RP1L1: variants seen among roughly 807,000 people sequenced by gnomAD.
RP1L1 encodes the protein retinitis pigmentosa 1-like 1 protein.
A neutral mutation model predicts 15.7 loss-of-function variants in RP1L1; 27 were observed. The observed-to-expected ratio is 1.72, with a 90% CI of 1.27 to 2.38. RP1L1 has a LOEUF of 2.38. Among genes scored for constraint, RP1L1 ranks in the 30% most tolerant of loss-of-function variants. The pLI, the probability that RP1L1 is intolerant of heterozygous loss-of-function variation, is 0.00. For synonymous variants in RP1L1, 1,813 were observed against 1,276.7 expected, an observed-to-expected ratio of 1.42 and a Z score of -8.96; for missense variants, 4,798 against 3,075.9, an observed-to-expected ratio of 1.56 and a Z score of -13.24.
intron 1 of RP1L1, among the ~76,000 whole-genome samples, chr8:10,643,489 C>A (rs1798435360): frequency 6.6e-6 from 1 of 152,148 alleles, no homozygotes; most frequent in South Asian, 2.1e-4. Flanking sequence ...GGCCAATCTG[C>A]CATAAATTAC....
intron 1 of RP1L1, among the ~76,000 whole-genome samples, chr8:10,650,771 T>C (rs1453880952): frequency 6.6e-6 from 1 of 152,162 alleles, no homozygotes; most frequent in Non-Finnish European, 1.5e-5. Context: ...TTTGCCATGT[T>C]GGCCAGGCTA....
chr8:10,609,540 A>C lies in RP1L1; in HGVS notation c.4558T>G (p.Ser1520Ala), dbSNP rs769504805. 5 of 1,606,356 alleles carry C rather than the reference A, an allele frequency of 3.1e-6. No individual in the cohort carries two copies. The South Asian group carries it at 5.5e-5, about 18-fold the overall frequency. Residue 1520 changes from serine to alanine, a missense_variant, in exon 4 of 4, where the codon TCC (serine) becomes GCC (alanine). Ser to Ala is a moderately conservative substitution (Grantham distance 99, BLOSUM62 1). Coordinates refer to ENST00000382483, the MANE Select transcript of RP1L1 (RefSeq NM_178857.6). ...TTCTCCGTCTTCTTCAGTAACACGG[A>C]CACCCAGATGGGGTCGCAGTCCAGA... Reference protein sequence around the residue: ...AALDCDPIWVSVLLKKTEKAF... With the variant: ...AALDCDPIWVAVLLKKTEKAF...
rs1797792815 is a variant in RP1L1 at position 10,609,715 on chromosome 8, G to T, written c.4383C>A (p.Asp1461Glu). 1 of 1,613,102 alleles carries T rather than the reference G, an allele frequency of 6.2e-7. No individual in the cohort carries two copies. Among genetic ancestry groups the T allele is most frequent in the Non-Finnish European group, 8.5e-7 (1 of 1,179,696 alleles). Residue 1461 changes from aspartate (D) to glutamate (E), a missense_variant, in exon 4 of 4, where the codon GAC becomes GAA. Coordinates refer to ENST00000382483, the MANE Select transcript of RP1L1 (RefSeq NM_178857.6). ...TEPPSHLSET[D>E]PSASERQSGS... Reference sequence around the variant, plus strand: ...CACTCTGCCTCTCGCTGGCACTTGGGTCCGTCTCGCTGAGATGACTAGGGG... The same window carrying T: ...CACTCTGCCTCTCGCTGGCACTTGGTTCCGTCTCGCTGAGATGACTAGGGG...
chr8:10,627,107 A>G (rs1461943590), intron 1 of RP1L1, among the ~76,000 whole-genome samples: 2 of 152,174 alleles, frequency 1.3e-5, no homozygotes, highest in African/African-American at 4.8e-5. Context: ...TAGAATTGCC[A>G]CATGATCCAG....
Position 10,610,710 on chromosome 8 carries a change from C to A in RP1L1, c.3388G>T (p.Glu1130Ter). The A allele has an allele frequency of 6.2e-7, 1 of 1,613,628 alleles. No individual in the cohort carries two copies. The highest frequency in any genetic ancestry group is 1.1e-5 in the South Asian group (1 of 91,080). ...TCLASLQLFE[E>*]DLGSPASKVR... ...TTGCTGGCAGGAGACCCAAGGTCTT[C>A]CTCAAATAACTGCAGACTGGCCAGA... The change falls in exon 4 of 4, where the codon GAA becomes TAA. Residue 1130 changes from glutamate (E) to a stop codon, truncating the protein, a stop_gained. Transcript: ENST00000382483. LOFTEE classifies it low-confidence loss of function (END_TRUNC).
intron 1 of RP1L1, among the ~76,000 whole-genome samples, chr8:10,629,400 T>A (rs1798207379): frequency 6.6e-6 from 1 of 151,874 alleles, no homozygotes; most frequent in African/African-American, 2.4e-5. Context: ...AGACGAAAAG[T>A]AAATGGGAAG....
chr8:10,611,226 G>A lies in RP1L1; in HGVS notation c.2872C>T (p.Arg958Cys), dbSNP rs199849516. The change falls in exon 4 of 4, where the codon CGC becomes TGC. Residue 958 changes from arginine to cysteine, a missense_variant. By Grantham distance (180) the Arg-to-Cys change is radical. Coordinates refer to ENST00000382483, the MANE Select transcript of RP1L1 (RefSeq NM_178857.6). ...TCTGGAATGTTGTCCAGCCATTCGC[G>A]GACCACAGCCTCTGGAGACGAGCGG... ...LPRSSPEAVVREWLDNIPEEP... is the reference protein window; with the variant it reads ...LPRSSPEAVVCEWLDNIPEEP... 147 of 1,612,858 alleles carry A rather than the reference G, an allele frequency of 9.1e-5. No individual in the cohort carries two copies. The highest frequency in any genetic ancestry group is 3.1e-5 in the Non-Finnish European group (36 of 1,180,036).
chr8:10,617,901 G>T (rs1797996960), intron 2 of RP1L1, among the ~76,000 whole-genome samples: 1 of 152,056 alleles, frequency 6.6e-6, no homozygotes, highest in African/African-American at 2.4e-5. Context: ...CTTTGATTTG[G>T]ACTCCTGGTC....
At chr8:10,635,631 C>G (rs558618244) in intron 1 of RP1L1, among the ~76,000 whole-genome samples, 11 of 152,322 alleles carry the variant, frequency 7.2e-5, no homozygotes, top group Admixed American at 7.2e-4. Context: ...ACACAGTGCC[C>G]AGAGCCTCCA....
intron 1 of RP1L1, among the ~76,000 whole-genome samples, chr8:10,623,916 A>C (rs934874122): frequency 1.4e-5 from 2 of 147,844 alleles, no homozygotes; most frequent in African/African-American, 5.0e-5. Flanking sequence ...CAGCATCACC[A>C]TGTCCCAGAA....
At position 10,611,722 on chromosome 8, in the gene RP1L1, C is replaced by A; in HGVS notation, c.2376G>T (p.Leu792=). 1.2e-6 allele frequency: 2 copies of A among 1,613,646 alleles called. No individual in the cohort carries two copies. Among genetic ancestry groups the A allele is most frequent in the South Asian group, 1.1e-5 (1 of 91,078 alleles). The change falls in exon 4 of 4, where the codon CTG becomes CTT. Residue 792 remains leucine (L), a synonymous_variant. Transcript: ENST00000382483. ...GAGGCGTGTCCCTGGCCTCTTCCCC[C>A]AGGCTGGCAGCCCCAGATTTTGAGC... The part of the protein sequence containing the change: ...DSCSKSGAAS[L]GEEARDTPQP...
intron 1 of RP1L1, among the ~76,000 whole-genome samples, chr8:10,647,299 G>T (rs1009810274): frequency 1.3e-5 from 2 of 152,230 alleles, no homozygotes; most frequent in African/African-American, 2.4e-5. Context: ...TGCTATGGTT[G>T]TCGCTCTACT....
In RP1L1 at chr8:10,611,334, GCCC is replaced by G; in HGVS notation, c.2761_2763del (p.Gly921del). On this transcript the variant is annotated inframe_deletion, in exon 4 of 4. Coordinates refer to ENST00000382483, the MANE Select transcript of RP1L1 (RefSeq NM_178857.6). ...CTCCTCAAGGTCTTCTCCTCGGACAGCCCCCGAGACCCCGCACCCTGGCTGGCA... is the reference window on the plus strand; with the variant it reads ...CTCCTCAAGGTCTTCTCCTCGGACAGCCGAGACCCCGCACCCTGGCTGGCA... The G allele has an allele frequency of 6.2e-7, 1 of 1,612,470 alleles. No individual in the cohort carries two copies. Among genetic ancestry groups the G allele is most frequent in the Non-Finnish European group, 8.5e-7 (1 of 1,179,962 alleles).
At chr8:10,647,268 C>A (rs187384816) in intron 1 of RP1L1, among the ~76,000 whole-genome samples, 23 of 152,328 alleles carry the variant, frequency 1.5e-4, no homozygotes, top group Non-Finnish European at 3.4e-4. Flanking sequence ...TCCCAGGGGA[C>A]ATATCTGTGA....
chr8:10,615,807 G>A (rs1420447004), intron 3 of RP1L1, among the ~76,000 whole-genome samples: 1 of 152,164 alleles, frequency 6.6e-6, no homozygotes, highest in East Asian at 1.9e-4. Context: ...CTCCCAAGTT[G>A]CTAGGAATAA....
chr8:10,633,243 G>A (rs1798278736), intron 1 of RP1L1, among the ~76,000 whole-genome samples: 1 of 152,182 alleles, frequency 6.6e-6, no homozygotes, highest in Admixed American at 6.5e-5. Flanking sequence ...CCAGGTCAGG[G>A]ATGGGGAAGC....
rs187872941 is a variant in RP1L1 at position 10,641,930 on chromosome 8, G to T, written c.-20+12968C>A. 7.0e-4 allele frequency among the ~76,000 whole-genome samples: 106 copies of T among 152,296 alleles called. No homozygotes were observed. In the East Asian group the frequency reaches 0.016, roughly 23 times the overall value. ...TAGATTAACATTTGCCAGGGTTGAG[G>T]AGGAATGAAGCTGGGAGGGAAGTGG... On this transcript the variant is annotated intron_variant, in intron 1 of 3. Transcript: ENST00000382483.
intron 2 of RP1L1, among the ~76,000 whole-genome samples, chr8:10,620,403 C>T (rs1392748221): frequency 2.0e-5 from 3 of 151,998 alleles, no homozygotes; most frequent in South Asian, 2.1e-4. Flanking sequence ...GTCAGGAGTT[C>T]GAGACCAGCC....
chr8:10,653,547 C>G (rs1164303561), intron 1 of RP1L1, among the ~76,000 whole-genome samples: 1 of 151,860 alleles, frequency 6.6e-6, no homozygotes, highest in Non-Finnish European at 1.5e-5. Context: ...CACATGCACA[C>G]CCACCTGTAT....
Sources: gnomAD v4.1 joint callset for allele counts (sites outside exome capture counted in the v4.1 genomes callset) on GRCh38, gnomAD v4.1.1 for gene constraint, MANE v1.5 for transcripts, NCBI Gene and HGNC (gene_info 2026-07-23, HGNC 2026-07-21) for gene names.